GALNT13: variants seen among roughly 807,000 people sequenced by gnomAD.
GALNT13 encodes the protein UDP-GalNAc:polypeptide N-acetylgalactosaminyltransferase 13.
GALNT13 carries 28 observed loss-of-function variants against 64.2 expected under a neutral mutation model. The ratio of observed to expected loss-of-function variants is 0.44; its 90% CI spans 0.32 to 0.60. GALNT13 has a LOEUF of 0.60. GALNT13 is among the 20% of genes least tolerant of loss of function. The pLI is 0.05. For missense variants in GALNT13, 577 were observed against 669.8 expected (o/e 0.86, Z 1.53); for synonymous variants, 214 against 224.6 (o/e 0.95, Z 0.42).
chr2:154,284,240 T>A (rs1692129044), intron 8 of GALNT13, among the ~76,000 whole-genome samples: 2 of 152,106 alleles, frequency 1.3e-5, no homozygotes, highest in South Asian at 4.1e-4. Flanking sequence ...CTAACTGAAG[T>A]TTTTTGTCCT....
chr2:153,882,107 G>T (rs1686824392), intron 1 of GALNT13, among the ~76,000 whole-genome samples: 1 of 150,966 alleles, frequency 6.6e-6, no homozygotes, highest in Non-Finnish European at 1.5e-5. Context: ...TTAAATGGAG[G>T]GATTAAAAGT....
At chr2:153,395,711 ACCTCTGTTTCGCATTT>A in the GALNT13 span, among the ~76,000 whole-genome samples, 36 of 152,106 alleles carry the variant, frequency 2.4e-4, 2 homozygotes, top group East Asian at 6.8e-3. Context: ...AATTTGCGAA[ACCTCTGTTTCGCATTT>A]CAGAAAAGGA....
the GALNT13 span, among the ~76,000 whole-genome samples, chr2:153,204,285 C>A: frequency 6.6e-6 from 1 of 152,268 alleles, no homozygotes; most frequent in Non-Finnish European, 1.5e-5. Flanking sequence ...TGATGTACTT[C>A]TCTCGCCTCT....
intron 4 of GALNT13, among the ~76,000 whole-genome samples, chr2:154,232,879 A>C (rs1688995165): frequency 1.3e-5 from 2 of 151,610 alleles, no homozygotes. Flanking sequence ...CAAAAAAAAA[A>C]AAAATTACAA....
chr2:153,792,173 G>A, the GALNT13 span, among the ~76,000 whole-genome samples: 1 of 152,096 alleles, frequency 6.6e-6, no homozygotes, highest in African/African-American at 2.4e-5. Flanking sequence ...CTATATGTAT[G>A]TAATTACCAT....
the GALNT13 span, among the ~76,000 whole-genome samples, chr2:153,829,028 A>T: frequency 6.6e-6 from 1 of 152,146 alleles, no homozygotes; most frequent in East Asian, 1.9e-4. Flanking sequence ...CAAGTTCCTC[A>T]TCTCCATCTG....
chr2:154,212,304 G>C (rs1003259085), intron 4 of GALNT13, among the ~76,000 whole-genome samples: 1 of 151,974 alleles, frequency 6.6e-6, no homozygotes, highest in African/African-American at 2.4e-5. Flanking sequence ...GAGTCCAATG[G>C]CGAAATCTCG....
intron 8 of GALNT13, chr2:154,286,501 A>G (rs1469029267): frequency 6.5e-6 from 1 of 153,970 alleles, no homozygotes; most frequent in African/African-American, 2.4e-5. Flanking sequence ...TTCAACCTAA[A>G]GGAAAAGATA....
the GALNT13 span, among the ~76,000 whole-genome samples, chr2:153,282,669 G>A: frequency 6.6e-6 from 1 of 152,230 alleles, no homozygotes; most frequent in East Asian, 1.9e-4. Flanking sequence ...GCCTACCTCA[G>A]CCTCCCAAAC....
At position 153,964,887 on chromosome 2, in the gene GALNT13, G is replaced by T. The variant is rs1178097169; in HGVS notation, c.142+20248G>T. Among the ~76,000 whole-genome samples, 6 of 151,760 alleles carry T rather than the reference G, an allele frequency of 4.0e-5. No homozygotes were observed. In the East Asian group the frequency reaches 1.2e-3, roughly 29 times the overall value. The stretch of plus-strand genomic sequence containing the variant: ...ATCCTTTAAAAATATGGTTTTAATG[G>T]CCACACAATATTTTATCATATGTCT... On this transcript the variant is annotated intron_variant, in intron 3 of 12. Transcript: ENST00000392825.
the GALNT13 span, among the ~76,000 whole-genome samples, chr2:153,105,162 A>T: frequency 5.9e-5 from 9 of 151,268 alleles, no homozygotes; most frequent in African/African-American, 1.9e-4. Flanking sequence ...CACATCAAAA[A>T]GCTTATCCAC....
chr2:154,041,272 T>A (rs973169303), intron 3 of GALNT13, among the ~76,000 whole-genome samples: 1 of 140,646 alleles, frequency 7.1e-6, no homozygotes, highest in Non-Finnish European at 1.6e-5. Flanking sequence ...ATTGAAGTTT[T>A]TAGACTATAT....
chr2:153,483,806 G>A, the GALNT13 span, among the ~76,000 whole-genome samples: 1 of 152,006 alleles, frequency 6.6e-6, no homozygotes, highest in African/African-American at 2.4e-5. Context: ...AGAATAATAT[G>A]GTATGATTTC....
the GALNT13 span, among the ~76,000 whole-genome samples, chr2:153,677,640 G>A: frequency 1.3e-5 from 2 of 151,958 alleles, no homozygotes; most frequent in African/African-American, 4.8e-5. Context: ...GGGACATCAC[G>A]TTATTCAACT....
At chr2:153,143,898 T>A in the GALNT13 span, among the ~76,000 whole-genome samples, 19 of 152,008 alleles carry the variant, frequency 1.2e-4, no homozygotes, top group African/African-American at 4.6e-4. Flanking sequence ...TTTTCTGCCC[T>A]CAGCGTATCT....
At chr2:154,077,089 G>C (rs1172781606) in intron 3 of GALNT13, among the ~76,000 whole-genome samples, 1 of 151,568 alleles carries the variant, frequency 6.6e-6, no homozygotes, top group Non-Finnish European at 1.5e-5. Flanking sequence ...AACACACTAG[G>C]AATTTATTAG....
the GALNT13 span, among the ~76,000 whole-genome samples, chr2:153,539,867 C>G: frequency 1.3e-5 from 2 of 151,986 alleles, no homozygotes; most frequent in African/African-American, 4.8e-5. Context: ...GATTGTCAGG[C>G]AGAAGAAATT....
chr2:153,751,666 T>A, the GALNT13 span, among the ~76,000 whole-genome samples: 1 of 152,070 alleles, frequency 6.6e-6, no homozygotes, highest in East Asian at 1.9e-4. Context: ...TTTTAGTTTC[T>A]ATTGGCATGG....
At chr2:153,983,754 T>C (rs1694619748) in intron 3 of GALNT13, among the ~76,000 whole-genome samples, 1 of 152,006 alleles carries the variant, frequency 6.6e-6, no homozygotes, top group African/African-American at 2.4e-5. Context: ...AACATGCTGT[T>C]TAACATGTGG....
Sources: allele counts gnomAD v4.1 joint callset (sites outside exome capture counted in the v4.1 genomes callset), GRCh38; gene constraint gnomAD v4.1.1; transcripts MANE v1.5; gene names NCBI Gene and HGNC (gene_info 2026-07-23, HGNC 2026-07-21).